ABCC4: variants seen among roughly 807,000 people sequenced by gnomAD.
The protein encoded by ABCC4 is ATP binding cassette subfamily C member 4 (PEL blood group).
A neutral mutation model predicts 168.5 loss-of-function variants in ABCC4; 102 were observed. The ratio of observed to expected loss-of-function variants is 0.61; its 90% CI spans 0.52 to 0.71. The LOEUF (loss-of-function observed/expected upper bound fraction) is 0.71, where lower values mean the gene tolerates loss of function less well. Ranked by LOEUF, ABCC4 falls within the 30% of genes least tolerant of loss-of-function variation. ABCC4 has a pLI of 0.00. For missense variants in ABCC4, 1,402 were observed against 1,605.8 expected (o/e 0.87, Z 2.17); for synonymous variants, 617 against 590.7 (o/e 1.04, Z -0.65).
chr13:95,159,117 A>ATATAT (rs2036992476), intron 19 of ABCC4, among the ~76,000 whole-genome samples: 1 of 131,546 alleles, frequency 7.6e-6, no homozygotes, highest in Non-Finnish European at 1.7e-5. Context: ...ATATATATAT[A>ATATAT]TATATATATA....
chr13:95,269,075 C>T (rs1325453557), intron 1 of ABCC4, among the ~76,000 whole-genome samples: 1 of 152,142 alleles, frequency 6.6e-6, no homozygotes, highest in Non-Finnish European at 1.5e-5. Context: ...TTGGGACTCT[C>T]CCTTTGGTTC....
intron 20 of ABCC4, among the ~76,000 whole-genome samples, chr13:95,098,909 C>T (rs1239688518): frequency 6.6e-6 from 1 of 152,152 alleles, no homozygotes; most frequent in Non-Finnish European, 1.5e-5. Context: ...AACTAGAATG[C>T]TCATATATTG....
intron 20 of ABCC4, among the ~76,000 whole-genome samples, chr13:95,103,938 G>C (rs1054350982): frequency 1.6e-4 from 24 of 152,056 alleles, no homozygotes; most frequent in African/African-American, 5.6e-4. Context: ...CCTGCCATAT[G>C]TGCCTCCTTC....
intron 27 of ABCC4, 31 bp downstream of exon 27, chr13:95,053,064 A>T (rs761268831): frequency 6.4e-7 from 1 of 1,570,160 alleles, no homozygotes; most frequent in Non-Finnish European, 8.8e-7. Flanking sequence ...TGAGGCTAAC[A>T]GACTAAAGAT....
chr13:95,100,035 A>C (rs2034742746), intron 20 of ABCC4, among the ~76,000 whole-genome samples: 2 of 152,232 alleles, frequency 1.3e-5, no homozygotes, highest in African/African-American at 4.8e-5. Flanking sequence ...GTAATCAATC[A>C]AGAATAGCAT....
intron 1 of ABCC4, among the ~76,000 whole-genome samples, chr13:95,259,856 GA>G (rs11345832): frequency 0.25 from 34,799 of 140,828 alleles, 4,618 homozygotes; most frequent in African/African-American, 0.38. Context: ...GTAGTGTGGG[GA>G]AAAAAAAAAA....
rs377077698 is a variant in ABCC4 at position 95,126,815 on chromosome 13, C to CAAAA, written c.2456-10815_2456-10814insTTTT. On this transcript the variant is annotated intron_variant, in intron 19 of 30. Coordinates refer to ENST00000645237, the MANE Select transcript of ABCC4 (RefSeq NM_005845.5). ...ATATATTTATATATATTTAAGTACA[C>CAAAA]CATATATATTTATATATATTTAAGT... 4.9e-3 allele frequency among the ~76,000 whole-genome samples: 349 copies of CAAAA among 70,970 alleles called. 8 individuals carry two copies. Among genetic ancestry groups the CAAAA allele is most frequent in the African/African-American group, 0.011 (230 of 21,780 alleles). 46.6% of individuals were successfully genotyped at this position (70,970 alleles called of 152,430 possible). A position where few individuals can be genotyped will look rare whatever the true frequency, so the allele number is the denominator to read the frequency against.
chr13:95,219,851 T>C (rs1448253591), intron 4 of ABCC4, among the ~76,000 whole-genome samples: 1 of 122,404 alleles, frequency 8.2e-6, no homozygotes, highest in Admixed American at 9.7e-5. Context: ...ATGTTTTTCT[T>C]CTTTCTGCTT....
At position 95,155,910 on chromosome 13, in the gene ABCC4, A is replaced by T. The variant is rs1345028711; in HGVS notation, c.2455+5279T>A. On this transcript the variant is annotated intron_variant, in intron 19 of 30. Transcript: ENST00000645237. The stretch of plus-strand genomic sequence containing the variant: ...ACCGCTCATCTTTTCTCCAAAACAA[A>T]GAGTGAAATTGTAGAGACCTGATAA... 3.3e-5 allele frequency among the ~76,000 whole-genome samples: 5 copies of T among 152,228 alleles called. No homozygotes were observed. In the East Asian group the frequency reaches 9.6e-4, roughly 29 times the overall value.
At chr13:95,089,709 A>G (rs1354806234) in intron 20 of ABCC4, among the ~76,000 whole-genome samples, 1 of 152,184 alleles carries the variant, frequency 6.6e-6, no homozygotes, top group African/African-American at 2.4e-5. Context: ...AAGATCTGAC[A>G]ATTAATCAAT....
At position 95,241,621 on chromosome 13, in the gene ABCC4, G is replaced by A. The variant is rs145698568; in HGVS notation, c.306+5354C>T. Among the ~76,000 whole-genome samples the A allele has an allele frequency of 2.5e-3, 374 of 152,164 alleles. 3 individuals are homozygous for A. Among genetic ancestry groups the A allele is most frequent in the South Asian group, 0.012 (59 of 4,816 alleles). On this transcript the variant is annotated intron_variant, in intron 3 of 30. Transcript: ENST00000645237. ...GGTGCACATAGGGGACAGATGTGCTGGAAATTTGCGGGCTGTTCTGTTCTA... is the reference window on the plus strand; with the variant it reads ...GGTGCACATAGGGGACAGATGTGCTAGAAATTTGCGGGCTGTTCTGTTCTA...
chr13:95,284,824 T>G (rs989565065), intron 1 of ABCC4, among the ~76,000 whole-genome samples: 3 of 152,224 alleles, frequency 2.0e-5, no homozygotes, highest in Non-Finnish European at 4.4e-5. Context: ...AAAGGCTGTG[T>G]GACCGTGGGA....
intron 1 of ABCC4, among the ~76,000 whole-genome samples, chr13:95,269,108 G>A (rs1239619890): frequency 6.6e-6 from 1 of 152,170 alleles, no homozygotes; most frequent in Non-Finnish European, 1.5e-5. Flanking sequence ...ATTTGCTGTA[G>A]TAAAACTGTA....
chr13:95,169,138 G>T (rs1162931762), intron 14 of ABCC4, among the ~76,000 whole-genome samples: 1 of 152,168 alleles, frequency 6.6e-6, no homozygotes, highest in East Asian at 1.9e-4. Context: ...CTCCCCTGAA[G>T]CCTTCAGAGA....
chr13:95,212,279 A>G (rs7334994), intron 4 of ABCC4, among the ~76,000 whole-genome samples: 114,367 of 151,200 alleles, frequency 0.76, 43,838 homozygotes, highest in Non-Finnish European at 0.83. Context: ...AGGGAAGGAG[A>G]GAGACCAGCC....
chr13:95,166,263 A>G lies in ABCC4; in HGVS notation c.1929T>C (p.Val643=). The part of the protein sequence containing the change: ...KDNEESEQPP[V]PGTPTLRNRT... ...GATTCCTTAGTGTGGGAGTTCCTGG[A>G]ACTGGAGGTTGTTCACTTTCCTCAT... is the stretch of plus-strand genomic sequence containing the variant. Residue 643 remains valine (V), a synonymous_variant, in exon 15 of 31, where the codon GTT becomes GTC. Transcript: ENST00000645237. 1 of 1,614,142 alleles carries G rather than the reference A, an allele frequency of 6.2e-7. No homozygotes were observed. The highest frequency in any genetic ancestry group is 1.1e-5 in the South Asian group (1 of 91,082).
intron 4 of ABCC4, among the ~76,000 whole-genome samples, chr13:95,214,856 A>T (rs1397771155): frequency 4.8e-5 from 6 of 123,714 alleles, no homozygotes; most frequent in African/African-American, 1.8e-4. Flanking sequence ...ACTCCACTCC[A>T]GCCTGGGTGA....
chr13:95,242,049 C>T lies in ABCC4; in HGVS notation c.306+4926G>A, dbSNP rs552958408. ...ACACACAAAAAAAATTGGCAACCTC[C>T]GGCATAAGTGGGTTAAAAAAGGCCT... On this transcript the variant is annotated intron_variant, in intron 3 of 30. Transcript: ENST00000645237. Among the ~76,000 whole-genome samples, 6 of 152,178 alleles carry T rather than the reference C, an allele frequency of 3.9e-5. No homozygotes were observed. In the East Asian group the frequency reaches 7.7e-4, roughly 20 times the overall value.
Position 95,148,591 on chromosome 13 carries a change from A to AACACACACACACAC in ABCC4, c.2455+12584_2455+12597dup, listed in dbSNP as rs55998383. On this transcript the variant is annotated intron_variant, in intron 19 of 30. Coordinates refer to ENST00000645237, the MANE Select transcript of ABCC4 (RefSeq NM_005845.5). ...TCTCTCCCTCTCCCCTACCCATCACAACACACACACACACACACACACACA... is the reference window on the plus strand; with the variant it reads ...TCTCTCCCTCTCCCCTACCCATCACAACACACACACACACACACACACACACACACACACACACA... 2.9e-4 allele frequency among the ~76,000 whole-genome samples: 37 copies of AACACACACACACAC among 129,790 alleles called. 1 individual carries two copies. In the East Asian group the frequency reaches 4.2e-3, roughly 15 times the overall value. 85.1% of individuals were successfully genotyped at this position (129,790 alleles called of 152,430 possible). A position where few individuals can be genotyped will look rare whatever the true frequency, so the allele number is the denominator to read the frequency against.
Sources: allele counts gnomAD v4.1 joint callset (sites outside exome capture counted in the v4.1 genomes callset), GRCh38; gene constraint gnomAD v4.1.1; transcripts MANE v1.5; gene names NCBI Gene and HGNC (gene_info 2026-07-23, HGNC 2026-07-21).